Variants in CAPZA2 observed in about 807,000 individuals in gnomAD.
The protein encoded by CAPZA2 is capping actin protein of muscle Z-line subunit alpha 2.
CAPZA2 carries 13 observed loss-of-function variants against 44.0 expected under a neutral mutation model. That is an observed-to-expected ratio of 0.30 (90% CI 0.19 to 0.47). The LOEUF is 0.47. CAPZA2 is among the 20% of genes least tolerant of loss of function. CAPZA2 has a pLI of 1.00. For synonymous variants in CAPZA2, 94 were observed against 108.2 expected (o/e 0.87, Z 0.81); for missense variants, 244 against 338.6 (o/e 0.72, Z 2.19).
At chr7:116,913,769 ATT>A (rs10717939) in intron 8 of CAPZA2, among the ~76,000 whole-genome samples, 19,151 of 88,190 alleles carry the variant, frequency 0.22, 1,634 homozygotes, top group East Asian at 0.39. Context: ...CACCCAGCTA[ATT>A]TTTTTTTTTT....
At chr7:116,878,577 T>C (rs1444477617) in intron 1 of CAPZA2, among the ~76,000 whole-genome samples, 2 of 152,206 alleles carry the variant, frequency 1.3e-5, no homozygotes, top group Non-Finnish European at 2.9e-5. Context: ...CCTTTACTTA[T>C]GTAAAGCCCC....
chr7:116,895,991 T>G (rs1309505446), intron 3 of CAPZA2, among the ~76,000 whole-genome samples: 1 of 152,152 alleles, frequency 6.6e-6, no homozygotes, highest in African/African-American at 2.4e-5. Context: ...GAAGGCATTA[T>G]AAAAACATTT....
intron 2 of CAPZA2, among the ~76,000 whole-genome samples, chr7:116,890,557 TATATATATATAC>T (rs1796826084): frequency 2.8e-4 from 4 of 14,316 alleles, no homozygotes; most frequent in East Asian, 3.8e-3. Context: ...TATATATATA[TATATATATATAC>T]ACATATATAT....
intron 1 of CAPZA2, among the ~76,000 whole-genome samples, chr7:116,881,602 G>A (rs1281692364): frequency 6.6e-6 from 1 of 151,834 alleles, no homozygotes; most frequent in East Asian, 1.9e-4. Context: ...AGCCGGGCGT[G>A]GTGGTGGGTG....
At chr7:116,905,119 A>G (rs1791475944) in intron 5 of CAPZA2, among the ~76,000 whole-genome samples, 1 of 150,820 alleles carries the variant, frequency 6.6e-6, no homozygotes. Flanking sequence ...AGCCCAGTCA[A>G]CAGAGTGAGA....
At chr7:116,869,050 G>T (rs1183727819) in intron 1 of CAPZA2, among the ~76,000 whole-genome samples, 3 of 152,168 alleles carry the variant, frequency 2.0e-5, no homozygotes, top group African/African-American at 7.2e-5. Context: ...TTAGAGCAGA[G>T]AATCTAAAAT....
chr7:116,904,475 A>G, intron 5 of CAPZA2, 92 bp downstream of exon 5: 1 of 742,020 alleles, frequency 1.3e-6, no homozygotes, highest in East Asian at 2.6e-5. Context: ...CAGAATTGAC[A>G]TTGTATAATT....
intron 9 of CAPZA2, among the ~76,000 whole-genome samples, chr7:116,917,250 A>T (rs73473226): frequency 0.026 from 3,934 of 151,722 alleles, 173 homozygotes; most frequent in African/African-American, 0.09. Flanking sequence ...CTTTTATTTT[A>T]TTTATTTATT....
Position 116,888,143 on chromosome 7 carries a change from A to G in CAPZA2, c.56A>G (p.Lys19Arg), listed in dbSNP as rs1228812898. ...SDEEKVRIAA[K>R]FIIHAPPGEF... is the part of the protein sequence containing the mutation. ...CTGTTTCAGGTGCGTATAGCAGCAAAATTCATCATTCATGCCCCTCCTGGA... is the reference window on the plus strand; with the variant it reads ...CTGTTTCAGGTGCGTATAGCAGCAAGATTCATCATTCATGCCCCTCCTGGA... Residue 19 changes from lysine (K) to arginine (R), a missense_variant, in exon 2 of 10, where the codon AAA (lysine) becomes AGA (arginine). Physicochemically the swap from Lys to Arg is conservative, Grantham distance 26. Coordinates refer to ENST00000361183, the MANE Select transcript of CAPZA2 (RefSeq NM_006136.3). 1 of 1,611,396 alleles carries G rather than the reference A, an allele frequency of 6.2e-7. No homozygotes were observed. The highest frequency in any genetic ancestry group is 1.3e-5 in the African/African-American group (1 of 74,980).
chr7:116,911,702 G>A (rs1285676928), intron 7 of CAPZA2, among the ~76,000 whole-genome samples: 1 of 152,200 alleles, frequency 6.6e-6, no homozygotes, highest in Non-Finnish European at 1.5e-5. Context: ...TCATGTCTGA[G>A]TTTGGGGAAT....
intron 1 of CAPZA2, among the ~76,000 whole-genome samples, chr7:116,864,227 G>A (rs1796453481): frequency 6.6e-6 from 1 of 152,166 alleles, no homozygotes. Context: ...GTGATGATTA[G>A]TAGCTCAAGT....
At chr7:116,888,764 G>A (rs1796795884) in intron 2 of CAPZA2, 1 of 149,766 alleles carries the variant, frequency 6.7e-6, no homozygotes, top group African/African-American at 2.5e-5. Context: ...GAGCTCAGGA[G>A]GTTGCAGAGA....
At chr7:116,889,141 T>C (rs1289796639) in intron 2 of CAPZA2, among the ~76,000 whole-genome samples, 2 of 152,228 alleles carry the variant, frequency 1.3e-5, no homozygotes, top group Non-Finnish European at 2.9e-5. Flanking sequence ...TCCTGGTTAC[T>C]ATAGACTGTA....
rs1054666400 is a variant in CAPZA2, at chr7:116,920,399, G to A, written c.*2532G>A. 1 of 152,262 alleles carries A rather than the reference G, an allele frequency of 6.6e-6. No individual in the cohort carries two copies. Among genetic ancestry groups the A allele is most frequent in the Non-Finnish European group, 1.5e-5 (1 of 68,134 alleles). The allele number at this position is 152,262 out of a possible 1,614,324, so 9.4% of individuals were successfully genotyped here. On this transcript the variant is annotated 3_prime_UTR_variant, in exon 10 of 10. Transcript: ENST00000361183. ...GTGTGGTGGCAAAGGCATAATCAGG[G>A]AGAACAGCTAGGAGACTACTGCAGT...
intron 8 of CAPZA2, among the ~76,000 whole-genome samples, chr7:116,914,444 C>T (rs913682184): frequency 3.1e-4 from 47 of 149,364 alleles, no homozygotes; most frequent in Non-Finnish European, 6.4e-4. Flanking sequence ...CACACACACA[C>T]ACACACACAC....
intron 6 of CAPZA2, among the ~76,000 whole-genome samples, chr7:116,908,436 T>A (rs933690909): frequency 2.0e-5 from 3 of 152,090 alleles, no homozygotes; most frequent in Admixed American, 2.0e-4. Context: ...GTTTGTTGAG[T>A]GAATACATAT....
chr7:116,902,810 C>T (rs547100645), intron 4 of CAPZA2, among the ~76,000 whole-genome samples: 5 of 152,164 alleles, frequency 3.3e-5, no homozygotes, highest in South Asian at 2.1e-4. Context: ...AATCACAGCT[C>T]GCTGCAGCCT....
chr7:116,881,709 A>T (rs973172158), intron 1 of CAPZA2, among the ~76,000 whole-genome samples: 1 of 144,038 alleles, frequency 6.9e-6, no homozygotes, highest in South Asian at 2.2e-4. Context: ...ACTGCACTCC[A>T]GCCTGGGCAG....
intron 4 of CAPZA2, among the ~76,000 whole-genome samples, chr7:116,901,319 T>C (rs933858160): frequency 2.6e-5 from 4 of 152,172 alleles, no homozygotes; most frequent in Non-Finnish European, 5.9e-5. Flanking sequence ...TAGAATACTA[T>C]GCAGCCGTGA....
Sources: allele counts gnomAD v4.1 joint callset (sites outside exome capture counted in the v4.1 genomes callset), GRCh38; gene constraint gnomAD v4.1.1; transcripts MANE v1.5; gene names NCBI Gene and HGNC (gene_info 2026-07-23, HGNC 2026-07-21).